Variants in CPLANE1 observed in about 807,000 individuals in gnomAD.
CPLANE1 encodes the protein ciliogenesis and planar polarity effector complex subunit 1, also known as ciliogenesis and planar polarity effector 1.
Under a neutral mutation model 362.5 loss-of-function variants are expected in CPLANE1, and 263 were observed. The observed-to-expected ratio is 0.73, with a 90% confidence interval of 0.66 to 0.80. The LOEUF is 0.80. CPLANE1 is among the 30% of genes least tolerant of loss of function. The pLI, the probability that CPLANE1 is intolerant of heterozygous loss-of-function variation, is 0.00. For synonymous variants in CPLANE1, 1,212 were observed against 1,302.6 expected (o/e 0.93, Z 1.50); for missense variants, 3,461 against 3,793.4 (o/e 0.91, Z 2.30).
At chr5:37,097,354 C>A in the CPLANE1 span, among the ~76,000 whole-genome samples, 1 of 152,000 alleles carries the variant, frequency 6.6e-6, no homozygotes, top group South Asian at 2.1e-4. Flanking sequence ...AAAAAGAACG[C>A]AAAGTCTACA....
Position 37,182,838 on chromosome 5 carries a change from T to C in CPLANE1, c.5343A>G (p.Thr1781=), listed in dbSNP as rs73750949. The C allele has an allele frequency of 3.7e-6, 6 of 1,613,580 alleles. No individual in the cohort carries two copies. The South Asian group carries it at 6.6e-5, about 18-fold the overall frequency. ...GCCATAATGATGTAAGAATGGCAGCTGTAGAGGTCTTTACACGAATTACTG... is the reference window on the plus strand; with the variant it reads ...GCCATAATGATGTAAGAATGGCAGCCGTAGAGGTCTTTACACGAATTACTG... The part of the protein sequence containing the change: ...YSPVIRVKTS[T]AAILTSLWLL... The change falls in exon 26 of 53, where the codon ACA becomes ACG. Residue 1781 remains threonine, a synonymous_variant. Transcript: ENST00000651892.
rs909872316 is a variant in CPLANE1 at position 37,243,130 on chromosome 5, A to T, written c.571-11T>A. The T allele has an allele frequency of 3.5e-6, 5 of 1,415,222 alleles. No individual in the cohort carries two copies. Among genetic ancestry groups the T allele is most frequent in the African/African-American group, 2.9e-5 (2 of 68,992 alleles). 87.7% of individuals were successfully genotyped at this position (1,415,222 alleles called of 1,614,324 possible). On this transcript the variant is annotated splice_polypyrimidine_tract_variant and intron_variant, in intron 5 of 52. Coordinates refer to ENST00000651892, the MANE Select transcript of CPLANE1 (RefSeq NM_001384732.1). Reference sequence around the variant, plus strand: ...GCAGTCTCCAAATAACTGTAGATAAATTTAATATACTTTAGTATAAAATTA... The same window carrying T: ...GCAGTCTCCAAATAACTGTAGATAATTTTAATATACTTTAGTATAAAATTA...
chr5:37,169,003 G>GT lies in CPLANE1; in HGVS notation c.7020dup (p.Leu2341ThrfsTer3), dbSNP rs2150932899. The GT allele has an allele frequency of 6.2e-7, 1 of 1,614,076 alleles. No homozygotes were observed. ...AGGGTCCCTGGCTTAACATCAAATA[G>GT]TTTTTCTGGTTTTATAAACACTGAA... On this transcript the variant is annotated frameshift_variant, in exon 34 of 53. Coordinates refer to ENST00000651892, the MANE Select transcript of CPLANE1 (RefSeq NM_001384732.1). LOFTEE classifies it high-confidence loss of function.
At chr5:37,194,844 T>A (rs958450113) in intron 21 of CPLANE1, among the ~76,000 whole-genome samples, 8 of 151,914 alleles carry the variant, frequency 5.3e-5, no homozygotes, top group African/African-American at 1.9e-4. Flanking sequence ...AACATTTTAA[T>A]CAAAGTCTAA....
chr5:37,175,095 G>C (rs1056624477), intron 31 of CPLANE1, among the ~76,000 whole-genome samples: 1 of 152,208 alleles, frequency 6.6e-6, no homozygotes, highest in African/African-American at 2.4e-5. Flanking sequence ...GTTTCAGGCT[G>C]ACCCCTCTTC....
At chr5:37,154,335 T>C (rs1165126982) in intron 41 of CPLANE1, among the ~76,000 whole-genome samples, 1 of 152,136 alleles carries the variant, frequency 6.6e-6, no homozygotes, top group Non-Finnish European at 1.5e-5. Flanking sequence ...ATCCCCAATA[T>C]TGGCTATTAC....
chr5:37,108,061 T>C (rs1447793784), intron 52 of CPLANE1, among the ~76,000 whole-genome samples: 2 of 152,226 alleles, frequency 1.3e-5, no homozygotes, highest in East Asian at 1.9e-4. Context: ...TTCTTACATT[T>C]TGGTCATTTT....
Position 37,144,412 on chromosome 5 carries a change from A to G in CPLANE1, c.8462-1932T>C, listed in dbSNP as rs61398483. Among the ~76,000 whole-genome samples, 613 of 151,750 alleles carry G rather than the reference A, an allele frequency of 4.0e-3. 3 individuals carry two copies. The highest frequency in any genetic ancestry group is 0.014 in the African/African-American group (592 of 41,448). ...AGACTTTGTCTAAAAAAAAAAAAAAAAAAAAAAGAAGTGGATGCAAGAAGC... is the reference window on the plus strand; with the variant it reads ...AGACTTTGTCTAAAAAAAAAAAAAAGAAAAAAAGAAGTGGATGCAAGAAGC... On this transcript the variant is annotated intron_variant, in intron 43 of 52. Coordinates refer to ENST00000651892, the MANE Select transcript of CPLANE1 (RefSeq NM_001384732.1).
At chr5:37,241,793 AT>A (rs547908960) in intron 6 of CPLANE1, among the ~76,000 whole-genome samples, 1 of 151,492 alleles carries the variant, frequency 6.6e-6, no homozygotes, top group African/African-American at 2.4e-5. Flanking sequence ...TGCTCAGCTA[AT>A]TTTTTTTATA....
At chr5:37,196,038 A>G (rs752277632) in intron 20 of CPLANE1, 42 bp from the exon 21 acceptor site, 14 of 1,514,028 alleles carry the variant, frequency 9.2e-6, no homozygotes, top group Non-Finnish European at 1.2e-5. Context: ...TATCAGCTGT[A>G]TAAATCACTT....
chr5:37,212,140 C>A, intron 16 of CPLANE1: 1 of 1,025,984 alleles, frequency 9.7e-7, no homozygotes, highest in Non-Finnish European at 1.6e-6. Flanking sequence ...ACTGAAGAAT[C>A]ACTGAAGATT....
At chr5:37,098,428 AC>A in the CPLANE1 span, among the ~76,000 whole-genome samples, 1 of 149,514 alleles carries the variant, frequency 6.7e-6, no homozygotes, top group East Asian at 1.9e-4. Context: ...ACACACATAC[AC>A]CTACTCACAG....
intron 51 of CPLANE1, among the ~76,000 whole-genome samples, chr5:37,112,159 A>C (rs1318445214): frequency 6.6e-6 from 1 of 152,224 alleles, no homozygotes; most frequent in Non-Finnish European, 1.5e-5. Flanking sequence ...AAATGAACAT[A>C]ATTATTGTCA....
At chr5:37,143,603 C>T (rs1287379095) in intron 43 of CPLANE1, among the ~76,000 whole-genome samples, 2 of 152,024 alleles carry the variant, frequency 1.3e-5, no homozygotes, top group South Asian at 4.2e-4. Flanking sequence ...CTGAGTGAAC[C>T]ACTGATAAAG....
chr5:37,244,669 C>A, intron 4 of CPLANE1, 62 bp from the exon 5 acceptor site: 2 of 893,158 alleles, frequency 2.2e-6, no homozygotes, highest in African/African-American at 1.7e-5. Flanking sequence ...CAATAAAGTA[C>A]ATAATTTATG....
chr5:37,125,325 T>C lies in CPLANE1; in HGVS notation c.8877A>G (p.Lys2959=). The part of the protein sequence containing the change: ...EIQAWMKRKR[K]ERMAKYLNEL... ...CATTTAAGTACTTTGCCATTCTTTCTTTTCGTTTTCTTTTCATCCAGGCTT... is the reference window on the plus strand; with the variant it reads ...CATTTAAGTACTTTGCCATTCTTTCCTTTCGTTTTCTTTTCATCCAGGCTT... The change falls in exon 47 of 53, where the codon AAA becomes AAG. Residue 2959 remains lysine, a synonymous_variant. Transcript: ENST00000651892. 1 of 1,614,076 alleles carries C rather than the reference T, an allele frequency of 6.2e-7. No individual in the cohort carries two copies. Among genetic ancestry groups the C allele is most frequent in the Non-Finnish European group, 8.5e-7 (1 of 1,179,968 alleles).
At chr5:37,085,257 T>C in the CPLANE1 span, 1 of 854,976 alleles carries the variant, frequency 1.2e-6, no homozygotes, top group South Asian at 1.3e-5. Flanking sequence ...CATGCAGGGG[T>C]TCATTAAGGT....
chr5:37,180,645 A>G (rs565700214), intron 27 of CPLANE1, among the ~76,000 whole-genome samples: 1 of 152,320 alleles, frequency 6.6e-6, no homozygotes, highest in South Asian at 2.1e-4. Flanking sequence ...GGATGAATTA[A>G]TTGCTCTCTC....
Position 37,210,677 on chromosome 5 carries a change from A to T in CPLANE1, c.2920+2882T>A. 3.2e-6 allele frequency: 5 copies of T among 1,566,970 alleles called. No individual in the cohort carries two copies. In the South Asian group the frequency reaches 4.5e-5, roughly 14 times the overall value. ...AGGTTAAAGTGATGAGTGACTATTC[A>T]CTACTAAAAGAAGAGAGACTGGAGC... On this transcript the variant is annotated intron_variant, in intron 16 of 52. Transcript: ENST00000651892.
Sources: gnomAD v4.1 joint callset for allele counts (sites outside exome capture counted in the v4.1 genomes callset) on GRCh38, gnomAD v4.1.1 for gene constraint, MANE v1.5 for transcripts, NCBI Gene and HGNC (gene_info 2026-07-23, HGNC 2026-07-21) for gene names.